The following XPO6 variants were observed in gnomAD, a reference collection of about 807,000 sequenced individuals.
The protein encoded by XPO6 is exportin-6.
XPO6 carries 3 observed loss-of-function variants against 130.0 expected under a neutral mutation model. That is an observed-to-expected ratio of 0.02 (90% CI 0.01 to 0.06). The LOEUF is 0.06. Among genes scored for constraint, XPO6 ranks in the 10% least tolerant of loss-of-function variants. The probability of loss-of-function intolerance (pLI) is 1.00; values close to 1 mark genes in which losing one functional copy is unlikely to be tolerated. For missense variants in XPO6, 970 were observed against 1,393.0 expected (o/e 0.70, Z 4.83); for synonymous variants, 524 against 548.9 (o/e 0.95, Z 0.63).
Position 28,145,469 on chromosome 16 carries a change from C to T in XPO6, c.1334+625G>A, listed in dbSNP as rs141764428. ...ATATGGGGGGGGAAACAAACCATTC[C>T]GCATTCTCTGTTTTTTAAAAATACA... On this transcript the variant is annotated intron_variant, in intron 9 of 23. Coordinates refer to ENST00000304658, the MANE Select transcript of XPO6 (RefSeq NM_015171.4). Among the ~76,000 whole-genome samples the T allele has an allele frequency of 4.5e-3, 687 of 152,242 alleles. 6 individuals are homozygous for T. Among genetic ancestry groups the T allele is most frequent in the African/African-American group, 0.016 (667 of 41,540 alleles).
intron 9 of XPO6, among the ~76,000 whole-genome samples, chr16:28,138,893 T>G (rs2042831878): frequency 6.6e-6 from 1 of 152,186 alleles, no homozygotes; most frequent in African/African-American, 2.4e-5. Flanking sequence ...AAAAAATTAC[T>G]TGCTACTCAA....
At chr16:28,109,301 CTTT>C (rs77303555) in intron 17 of XPO6, among the ~76,000 whole-genome samples, 4 of 141,616 alleles carry the variant, frequency 2.8e-5, no homozygotes, top group Non-Finnish European at 3.1e-5. Flanking sequence ...TTTTTCTTTT[CTTT>C]TTTTTTTTTT....
chr16:28,156,672 A>G, intron 6 of XPO6, 145 bp from the exon 7 acceptor site: 2 of 492,264 alleles, frequency 4.1e-6, no homozygotes, highest in Non-Finnish European at 6.5e-6. Flanking sequence ...AATAAAATCT[A>G]TATGCTCAAA....
chr16:28,140,978 A>G (rs527731234), intron 9 of XPO6, among the ~76,000 whole-genome samples: 20 of 152,258 alleles, frequency 1.3e-4, no homozygotes, highest in Admixed American at 2.0e-4. Context: ...TTTCAACTCA[A>G]TAAAGCAACT....
intron 13 of XPO6, among the ~76,000 whole-genome samples, chr16:28,124,467 T>G (rs189817943): frequency 6.6e-6 from 1 of 152,086 alleles, no homozygotes; most frequent in East Asian, 1.9e-4. Context: ...TAAACCTCAG[T>G]GCAAATGGGC....
chr16:28,111,187 C>A (rs928970326), intron 17 of XPO6: 2 of 152,144 alleles, frequency 1.3e-5, no homozygotes, highest in Admixed American at 1.3e-4. Flanking sequence ...GCTGACATTC[C>A]ATAAATGGCA....
Position 28,101,696 on chromosome 16 carries a change from CAG to C in XPO6, c.3046-10_3046-9del. ...GGCAGTCCGGAAGATCTTCTGCAGGCAGAGAGACCAGGTGAGCAGCAGCCAGC... is the reference window on the plus strand; with the variant it reads ...GGCAGTCCGGAAGATCTTCTGCAGGCAGAGACCAGGTGAGCAGCAGCCAGC... On this transcript the variant is annotated splice_polypyrimidine_tract_variant and intron_variant, in intron 22 of 23. Coordinates refer to ENST00000304658, the MANE Select transcript of XPO6 (RefSeq NM_015171.4). This position sits in a 1 kb window ranked among gnomAD's most constrained non-coding sequence, Gnocchi z 5.4. The C allele has an allele frequency of 6.2e-7, 1 of 1,602,518 alleles. No individual in the cohort carries two copies. The highest frequency in any genetic ancestry group is 8.5e-7 in the Non-Finnish European group (1 of 1,171,760).
chr16:28,104,894 A>G (rs1374893922), intron 20 of XPO6, among the ~76,000 whole-genome samples, 187 bp from the exon 21 acceptor site: 2 of 152,220 alleles, frequency 1.3e-5, no homozygotes, highest in Non-Finnish European at 1.5e-5. Context: ...CCTGTGCAAA[A>G]GACATCTAGC....
rs770948494 is a variant in XPO6, at chr16:28,175,861, T to A, written c.405+37A>T. ...GAAATAATCACTTCAACAAACAAAC[T>A]ATTCACAAGATAAAGTTTCCTTAGG... On this transcript the variant is annotated intron_variant, in intron 4 of 23. Transcript: ENST00000304658. 3.2e-5 allele frequency: 50 copies of A among 1,584,814 alleles called. No homozygotes were observed. The South Asian group carries it at 4.7e-4, about 15-fold the overall frequency.
At chr16:28,124,461 C>A (rs1383952371) in intron 13 of XPO6, among the ~76,000 whole-genome samples, 2 of 152,278 alleles carry the variant, frequency 1.3e-5, no homozygotes, top group Non-Finnish European at 1.5e-5. Flanking sequence ...CCCTGCTAAA[C>A]CTCAGTGCAA....
At chr16:28,108,679 G>A (rs2086841703) in intron 17 of XPO6, among the ~76,000 whole-genome samples, 1 of 152,232 alleles carries the variant, frequency 6.6e-6, no homozygotes, top group Non-Finnish European at 1.5e-5. Flanking sequence ...CAGAGGCTGA[G>A]CCAGAGCTGG....
chr16:28,108,382 A>G (rs548390829), intron 17 of XPO6, among the ~76,000 whole-genome samples: 1 of 152,352 alleles, frequency 6.6e-6, no homozygotes, highest in South Asian at 2.1e-4. Flanking sequence ...AGCCCTGGCT[A>G]TGAACCACAG....
chr16:28,156,645 T>A (rs908589893), intron 6 of XPO6, 118 bp from the exon 7 acceptor site: 2 of 595,708 alleles, frequency 3.4e-6, no homozygotes. Context: ...TCAGTTTAGT[T>A]ACCTATGAAA....
chr16:28,128,617 C>T (rs538620268), intron 12 of XPO6, among the ~76,000 whole-genome samples: 5 of 152,292 alleles, frequency 3.3e-5, no homozygotes, highest in African/African-American at 9.6e-5. Flanking sequence ...TGAGTATGGT[C>T]CTTAATAGAC....
intron 17 of XPO6, among the ~76,000 whole-genome samples, chr16:28,109,719 AAC>A (rs1339843289): frequency 2.6e-5 from 4 of 152,254 alleles, no homozygotes; most frequent in African/African-American, 9.6e-5. Context: ...ATAACAACCA[AAC>A]ACAATAAAAC....
At chr16:28,154,105 C>A (rs1341570190) in intron 7 of XPO6, 1 of 985,168 alleles carries the variant, frequency 1.0e-6, no homozygotes, top group Non-Finnish European at 1.2e-6. Context: ...AAAGACACTT[C>A]TCTCTGGTGT....
In XPO6 at chr16:28,133,835, C is replaced by A. The variant is rs572080885; in HGVS notation, c.1536+6G>T. 5.0e-6 allele frequency: 8 copies of A among 1,613,878 alleles called. No individual in the cohort carries two copies. The highest frequency in any genetic ancestry group is 5.9e-6 in the Non-Finnish European group (7 of 1,179,944). The stretch of plus-strand genomic sequence containing the variant: ...ACACTCTCCACTCCCCCGGACAGCA[C>A]ATTACCAGTGTGGAGAAGGCGTGCG... On this transcript the variant is annotated splice_donor_region_variant and intron_variant, in intron 11 of 23. Transcript: ENST00000304658.
At position 28,106,632 on chromosome 16, in the gene XPO6, A is replaced by C; in HGVS notation, c.2498-135T>G. 1.5e-6 allele frequency: 1 copy of C among 676,510 alleles called. No homozygotes were observed. Among genetic ancestry groups the C allele is most frequent in the Non-Finnish European group, 2.6e-6 (1 of 390,706 alleles). The allele number at this position is 676,510 out of a possible 1,614,324, so 41.9% of individuals were successfully genotyped here. Reference sequence around the variant, plus strand: ...TTCCTGCTGGAAACATTTCCCCAACACCATCAGGGCCAATGATGGAAAGTG... The same window carrying C: ...TTCCTGCTGGAAACATTTCCCCAACCCCATCAGGGCCAATGATGGAAAGTG... On this transcript the variant is annotated intron_variant, in intron 18 of 23. Coordinates refer to ENST00000304658, the MANE Select transcript of XPO6 (RefSeq NM_015171.4). This position sits in a 1 kb window ranked among gnomAD's most constrained non-coding sequence, Gnocchi z 4.2.
At chr16:28,118,396 T>C (rs936058661) in intron 14 of XPO6, among the ~76,000 whole-genome samples, 1 of 152,246 alleles carries the variant, frequency 6.6e-6, no homozygotes, top group Non-Finnish European at 1.5e-5. Context: ...GGTCATATTC[T>C]GTTGCTCAGG....
Sources: allele counts gnomAD v4.1 joint callset (sites outside exome capture counted in the v4.1 genomes callset), GRCh38; gene constraint gnomAD v4.1.1; non-coding constraint Gnocchi (gnomAD v3.1); transcripts MANE v1.5; gene names NCBI Gene and HGNC (gene_info 2026-07-23, HGNC 2026-07-21).